Variants in P3H2 observed in about 807,000 individuals in gnomAD.
The protein encoded by P3H2 is prolyl 3-hydroxylase 2.
A neutral mutation model predicts 87.0 loss-of-function variants in P3H2; 80 were observed. The ratio of observed to expected loss-of-function variants is 0.92; its 90% CI spans 0.77 to 1.11. The LOEUF (loss-of-function observed/expected upper bound fraction) is 1.11. Ranked by LOEUF, P3H2 falls within the 50% of genes least tolerant of loss-of-function variation. The pLI is 0.00. For synonymous variants in P3H2, 367 were observed against 359.3 expected (o/e 1.02, Z -0.24); for missense variants, 1,001 against 923.9 (o/e 1.08, Z -1.08).
At chr3:190,063,920 T>C (rs986133356) in intron 1 of P3H2, among the ~76,000 whole-genome samples, 2 of 152,092 alleles carry the variant, frequency 1.3e-5, no homozygotes, top group African/African-American at 4.8e-5. Context: ...TGAGAATGTT[T>C]ATACTTAACT....
At chr3:189,982,280 T>C (rs973384984) in intron 8 of P3H2, among the ~76,000 whole-genome samples, 1 of 151,992 alleles carries the variant, frequency 6.6e-6, no homozygotes, top group African/African-American at 2.4e-5. Flanking sequence ...AGTATTAAAA[T>C]AGTATGCAAA....
At chr3:190,086,305 T>C (rs76661392) in intron 1 of P3H2, among the ~76,000 whole-genome samples, 329 of 152,284 alleles carry the variant, frequency 2.2e-3, no homozygotes, top group African/African-American at 7.5e-3. Flanking sequence ...ATAACAAAGA[T>C]TGACAGCTCA....
chr3:190,099,711 A>G (rs79152036), intron 1 of P3H2, among the ~76,000 whole-genome samples: 1,838 of 152,350 alleles, frequency 0.012, 32 homozygotes, highest in African/African-American at 0.042. Flanking sequence ...CATAGAAAAA[A>G]GATGGTATTA....
intron 1 of P3H2, among the ~76,000 whole-genome samples, chr3:190,081,508 G>T (rs1160567331): frequency 6.6e-6 from 1 of 152,042 alleles, no homozygotes; most frequent in Non-Finnish European, 1.5e-5. Context: ...AAAAGAGAAA[G>T]GGCCTTCAAA....
chr3:190,062,806 A>C (rs886415781), intron 1 of P3H2, among the ~76,000 whole-genome samples: 1 of 152,036 alleles, frequency 6.6e-6, no homozygotes, highest in African/African-American at 2.4e-5. Context: ...TCAATCTTAC[A>C]TTTACAAACT....
intron 1 of P3H2, among the ~76,000 whole-genome samples, chr3:190,069,549 C>A (rs1726626967): frequency 6.6e-6 from 1 of 152,158 alleles, no homozygotes; most frequent in Admixed American, 6.5e-5. Flanking sequence ...CTTCTTTTCC[C>A]AGTCCTCCTC....
chr3:190,000,137 A>C (rs1016063874), intron 1 of P3H2, among the ~76,000 whole-genome samples: 1 of 152,218 alleles, frequency 6.6e-6, no homozygotes, highest in African/African-American at 2.4e-5. Context: ...GACACTCCAC[A>C]TCATGACATT....
chr3:190,008,669 C>T (rs1433290073), intron 1 of P3H2, among the ~76,000 whole-genome samples: 1 of 152,160 alleles, frequency 6.6e-6, no homozygotes. Flanking sequence ...CTATGCACTT[C>T]CACATATGGA....
At chr3:189,965,156 C>T (rs111847824) in intron 13 of P3H2, among the ~76,000 whole-genome samples, 6 of 152,294 alleles carry the variant, frequency 3.9e-5, no homozygotes, top group African/African-American at 1.2e-4. Flanking sequence ...GACATATGCC[C>T]GTAAATCTTT....
intron 5 of P3H2, 137 bp downstream of exon 5, chr3:189,987,390 A>G: frequency 1.1e-6 from 1 of 898,202 alleles, no homozygotes; most frequent in Non-Finnish European, 1.7e-6. Flanking sequence ...GAGGCAGGAG[A>G]ATCGCTTGAA....
At chr3:190,111,666 T>C (rs373208538) in intron 1 of P3H2, among the ~76,000 whole-genome samples, 3 of 152,208 alleles carry the variant, frequency 2.0e-5, no homozygotes, top group East Asian at 1.9e-4. Context: ...TAAAAGATTT[T>C]AAACATCACT....
At chr3:190,091,453 CT>C (rs1245526236) in intron 1 of P3H2, among the ~76,000 whole-genome samples, 1 of 152,208 alleles carries the variant, frequency 6.6e-6, no homozygotes, top group Non-Finnish European at 1.5e-5. Context: ...TAGGATGCCC[CT>C]ATTTCCCATT....
At chr3:189,966,078 GAAA>G (rs1722971038) in intron 13 of P3H2, among the ~76,000 whole-genome samples, 1 of 125,402 alleles carries the variant, frequency 8.0e-6, no homozygotes, top group African/African-American at 3.3e-5. Flanking sequence ...AAGAAGGAAA[GAAA>G]GGAAGAAAGA....
chr3:189,974,192 A>AT, intron 9 of P3H2, 188 bp from the exon 10 acceptor site: 1 of 615,264 alleles, frequency 1.6e-6, no homozygotes. Context: ...TTCATTCTAC[A>AT]TTTTTATTAT....
At chr3:190,066,143 G>GTATATATATATATATA (rs60898721) in intron 1 of P3H2, among the ~76,000 whole-genome samples, 5 of 138,764 alleles carry the variant, frequency 3.6e-5, no homozygotes, top group African/African-American at 1.4e-4. Context: ...ACTGTGGTGT[G>GTATATATATATATATA]TATATATATA....
chr3:190,112,405 G>A (rs746663459), intron 1 of P3H2, among the ~76,000 whole-genome samples: 3 of 152,172 alleles, frequency 2.0e-5, no homozygotes, highest in Non-Finnish European at 4.4e-5. Flanking sequence ...ACACACATGA[G>A]GGTAAGTGAC....
intron 1 of P3H2, among the ~76,000 whole-genome samples, chr3:190,084,100 T>C (rs1333976614): frequency 2.0e-5 from 3 of 152,128 alleles, no homozygotes; most frequent in African/African-American, 7.2e-5. Context: ...TTAGCCAAGG[T>C]CAAGCAGCTA....
rs1387286394 is a variant in P3H2 at position 189,989,014 on chromosome 3, C to A, written c.848G>T (p.Cys283Phe). The change falls in exon 4 of 15, where the codon TGT becomes TTT. Residue 283 changes from cysteine (C) to phenylalanine (F), a missense_variant. Transcript: ENST00000319332. ...IADHYMQVLV[C>F]QHECVRELAT... is the part of the protein sequence containing the mutation. ...AAGTTCCCTCACACATTCATGCTGACAAACAAGCACCTGCATGTAGTGATC... is the reference window on the plus strand; with the variant it reads ...AAGTTCCCTCACACATTCATGCTGAAAAACAAGCACCTGCATGTAGTGATC... The A allele has an allele frequency of 6.2e-7, 1 of 1,614,086 alleles. No individual in the cohort carries two copies. The highest frequency in any genetic ancestry group is 8.5e-7 in the Non-Finnish European group (1 of 1,180,030).
intron 9 of P3H2, 89 bp downstream of exon 9, chr3:189,974,469 G>T: frequency 6.5e-7 from 1 of 1,545,496 alleles, no homozygotes; most frequent in Non-Finnish European, 8.9e-7. Context: ...AGGGCTTGTT[G>T]TCTGGCTCCA....
Sources: allele counts gnomAD v4.1 joint callset (sites outside exome capture counted in the v4.1 genomes callset), GRCh38; gene constraint gnomAD v4.1.1; transcripts MANE v1.5; gene names NCBI Gene and HGNC (gene_info 2026-07-23, HGNC 2026-07-21).